ELP4: variants seen among roughly 807,000 people sequenced by gnomAD.
ELP4 encodes the protein elongator complex protein 4.
A neutral mutation model predicts 48.9 loss-of-function variants in ELP4; 51 were observed. The observed-to-expected ratio is 1.04, with a 90% CI of 0.83 to 1.32. ELP4 has a LOEUF of 1.32. Among genes scored for constraint, ELP4 ranks in the 40% most tolerant of loss-of-function variants. ELP4 has a pLI of 0.00. For synonymous variants in ELP4, 210 were observed against 189.2 expected, an observed-to-expected ratio of 1.11 and a Z score of -0.90; for missense variants, 519 against 514.6, an observed-to-expected ratio of 1.01 and a Z score of -0.08.
intron 9 of ELP4, among the ~76,000 whole-genome samples, chr11:31,753,177 A>T (rs1007223549): frequency 1.3e-5 from 2 of 152,198 alleles, no homozygotes; most frequent in African/African-American, 4.8e-5. Flanking sequence ...TTATCAACTC[A>T]TGTCGTCTGC....
chr11:31,712,218 C>T (rs1304229294), intron 9 of ELP4, among the ~76,000 whole-genome samples: 1 of 151,862 alleles, frequency 6.6e-6, no homozygotes, highest in Admixed American at 6.6e-5. Context: ...GTTTGTGAAG[C>T]ATTATATTTT....
At chr11:31,634,332 C>G (rs942623196) in intron 7 of ELP4, 5 of 151,764 alleles carry the variant, frequency 3.3e-5, no homozygotes, top group Non-Finnish European at 5.9e-5. Flanking sequence ...AAGTTCCATT[C>G]TAGACAAGAG....
intron 3 of ELP4, among the ~76,000 whole-genome samples, chr11:31,582,638 TCTC>T (rs1410876326): frequency 3.3e-5 from 5 of 152,208 alleles, no homozygotes; most frequent in Non-Finnish European, 7.3e-5. Context: ...TAGTGATTCT[TCTC>T]TGTCCATTCA....
intron 9 of ELP4, chr11:31,662,475 A>G (rs1182497519): frequency 2.5e-6 from 1 of 396,320 alleles, no homozygotes; most frequent in Non-Finnish European, 4.5e-6. Context: ...GTTTTAATAC[A>G]TTTTATTGTA....
chr11:31,514,783 G>C (rs1447128975), intron 1 of ELP4, among the ~76,000 whole-genome samples: 3 of 152,108 alleles, frequency 2.0e-5, no homozygotes, highest in South Asian at 2.1e-4. Flanking sequence ...ATACTCTGTT[G>C]TGATTGGTTG....
chr11:31,687,166 G>A (rs949292167), intron 9 of ELP4, among the ~76,000 whole-genome samples: 5 of 152,100 alleles, frequency 3.3e-5, no homozygotes, highest in African/African-American at 9.7e-5. Flanking sequence ...ATGCAGTTTG[G>A]GACATGTAGA....
chr11:31,785,573 A>G lies in ELP4; in HGVS notation c.*2049A>G, dbSNP rs886048181. The stretch of plus-strand genomic sequence containing the variant: ...CAAACTCAGTAAAAGTGCATTTTGA[A>G]TAATAAGTGTACCTGGGCTTTCCAA... On this transcript the variant is annotated 3_prime_UTR_variant, in exon 10 of 10. Transcript: ENST00000640961. 1.0e-5 allele frequency: 2 copies of G among 195,310 alleles called. No homozygotes were observed. The highest frequency in any genetic ancestry group is 3.8e-4 in the South Asian group (2 of 5,202). 12.1% of individuals were successfully genotyped at this position (195,310 alleles called of 1,614,324 possible). A position where few individuals can be genotyped will look rare whatever the true frequency, so the allele number is the denominator to read the frequency against.
intron 3 of ELP4, among the ~76,000 whole-genome samples, chr11:31,558,137 T>G (rs1209760690): frequency 6.6e-6 from 1 of 152,048 alleles, no homozygotes; most frequent in Non-Finnish European, 1.5e-5. Context: ...CCCCAGGGTT[T>G]CACTCTTTTT....
intron 7 of ELP4, among the ~76,000 whole-genome samples, chr11:31,635,683 A>T (rs542863354): frequency 2.0e-5 from 3 of 152,148 alleles, no homozygotes; most frequent in Admixed American, 1.3e-4. Context: ...GAGGATTAGT[A>T]ATAACATGTA....
chr11:31,768,830 A>G (rs942012493), intron 9 of ELP4, among the ~76,000 whole-genome samples: 1 of 152,126 alleles, frequency 6.6e-6, no homozygotes, highest in Non-Finnish European at 1.5e-5. Context: ...AGTAACCAAG[A>G]TTTCCTGTTA....
chr11:31,602,748 A>G (rs569732999), intron 4 of ELP4, among the ~76,000 whole-genome samples: 1 of 152,048 alleles, frequency 6.6e-6, no homozygotes, highest in Non-Finnish European at 1.5e-5. Flanking sequence ...TTAGATAAGT[A>G]TCTACTATGT....
chr11:31,757,350 T>TA (rs1947853667), intron 9 of ELP4, among the ~76,000 whole-genome samples: 1 of 152,114 alleles, frequency 6.6e-6, no homozygotes. Context: ...TTTTACCTCA[T>TA]TGAATTCTTT....
intron 3 of ELP4, among the ~76,000 whole-genome samples, chr11:31,540,936 C>A (rs1192143335): frequency 2.6e-5 from 4 of 152,174 alleles, no homozygotes; most frequent in Non-Finnish European, 5.9e-5. Context: ...TAAGCCAAAG[C>A]ACACTTTTTC....
At chr11:31,681,993 A>T (rs1288555286) in intron 9 of ELP4, 1 of 1,129,872 alleles carries the variant, frequency 8.9e-7, no homozygotes, top group Non-Finnish European at 1.2e-6. Context: ...CATCCGCCTC[A>T]GCCTCCCAAA....
At chr11:31,680,726 G>A (rs1446509547) in intron 9 of ELP4, among the ~76,000 whole-genome samples, 1 of 152,130 alleles carries the variant, frequency 6.6e-6, no homozygotes, top group Non-Finnish European at 1.5e-5. Flanking sequence ...ATCTTCTAAT[G>A]TTGTGTTCAA....
chr11:31,583,976 A>G (rs538942393), intron 3 of ELP4, among the ~76,000 whole-genome samples: 2 of 152,234 alleles, frequency 1.3e-5, no homozygotes, highest in South Asian at 4.1e-4. Context: ...TAGAAGCTAG[A>G]ATGTTGAACA....
At chr11:31,703,272 T>A (rs954852170) in intron 9 of ELP4, among the ~76,000 whole-genome samples, 2 of 152,100 alleles carry the variant, frequency 1.3e-5, no homozygotes, top group Admixed American at 6.5e-5. Flanking sequence ...GGGTGCAGCA[T>A]GCCAGTGTTT....
At chr11:31,717,660 A>G (rs1946868509) in intron 9 of ELP4, among the ~76,000 whole-genome samples, 1 of 152,072 alleles carries the variant, frequency 6.6e-6, no homozygotes, top group Non-Finnish European at 1.5e-5. Flanking sequence ...AGGCTGAGGC[A>G]AAAGAATCGC....
intron 9 of ELP4, among the ~76,000 whole-genome samples, chr11:31,660,613 G>A (rs1945534915): frequency 2.0e-5 from 3 of 151,464 alleles, no homozygotes. Context: ...GCTTTTAAGG[G>A]AAAATTGCTT....
Sources: allele counts gnomAD v4.1 joint callset (sites outside exome capture counted in the v4.1 genomes callset), GRCh38; gene constraint gnomAD v4.1.1; transcripts MANE v1.5; gene names NCBI Gene and HGNC (gene_info 2026-07-23, HGNC 2026-07-21).